ANKMY1: variants seen among roughly 807,000 people sequenced by gnomAD.
The protein encoded by ANKMY1 is ankyrin repeat and MYND domain-containing protein 1.
ANKMY1 carries 98 observed loss-of-function variants against 102.0 expected under a neutral mutation model. That is an observed-to-expected ratio of 0.96 (90% CI 0.82 to 1.14). ANKMY1 has a LOEUF of 1.14. Among genes scored for constraint, ANKMY1 ranks in the 50% most tolerant of loss-of-function variants. ANKMY1 has a pLI of 0.00. For missense variants in ANKMY1, 1,330 were observed against 1,347.6 expected, an observed-to-expected ratio of 0.99 and a Z score of 0.20; for synonymous variants, 582 against 559.9, an observed-to-expected ratio of 1.04 and a Z score of -0.56.
At chr2:240,538,590 A>T (rs2087618404) in intron 4 of ANKMY1, among the ~76,000 whole-genome samples, 1 of 151,986 alleles carries the variant, frequency 6.6e-6, no homozygotes. Context: ...AGCCTCCCCG[A>T]CAGGCGCCGC....
the ANKMY1 span, among the ~76,000 whole-genome samples, chr2:240,473,248 A>T: frequency 6.6e-6 from 1 of 151,886 alleles, no homozygotes; most frequent in African/African-American, 2.4e-5. Flanking sequence ...AAAAAACTCA[A>T]TAACATGCGA....
At chr2:240,550,097 C>G (rs2091223333) in intron 4 of ANKMY1, among the ~76,000 whole-genome samples, 1 of 151,666 alleles carries the variant, frequency 6.6e-6, no homozygotes, top group African/African-American at 2.4e-5. Context: ...TTCACAATAG[C>G]AAAGACTTGG....
chr2:240,497,585 A>G (rs1297692015), intron 15 of ANKMY1, among the ~76,000 whole-genome samples: 1 of 152,198 alleles, frequency 6.6e-6, no homozygotes, highest in Non-Finnish European at 1.5e-5. Flanking sequence ...GAGACTTGTT[A>G]TGACCACAGG....
chr2:240,479,283 C>A, downstream of ANKMY1: 3 of 383,048 alleles, frequency 7.8e-6, no homozygotes, highest in South Asian at 4.4e-5. Context: ...GAGTCCTGAC[C>A]CTCACCTGCC....
chr2:240,557,637 C>A (rs927843369), intron 1 of ANKMY1, among the ~76,000 whole-genome samples: 1 of 152,208 alleles, frequency 6.6e-6, no homozygotes, highest in African/African-American at 2.4e-5. Context: ...GTGGCCAGGC[C>A]AGGCCCGCAC....
intron 3 of ANKMY1, 117 bp downstream of exon 3, chr2:240,554,749 C>T: frequency 8.1e-7 from 1 of 1,230,764 alleles, no homozygotes; most frequent in Non-Finnish European, 1.1e-6. Flanking sequence ...AAAACTTTAG[C>T]CTAGCACCCT....
chr2:240,544,301 A>C (rs919418526), intron 4 of ANKMY1, among the ~76,000 whole-genome samples: 6 of 152,248 alleles, frequency 3.9e-5, no homozygotes, highest in Non-Finnish European at 8.8e-5. Flanking sequence ...AGAAAGTCCA[A>C]GCATGTCACA....
At chr2:240,477,023 A>G (rs2074900491), downstream of ANKMY1, among the ~76,000 whole-genome samples, 1 of 152,240 alleles carries the variant, frequency 6.6e-6, no homozygotes, top group African/African-American at 2.4e-5. Flanking sequence ...CTCCAATGAA[A>G]AGGGACCAGT....
At chr2:240,561,024 T>C (rs1431124458), upstream of ANKMY1, 6 of 1,536,038 alleles carry the variant, frequency 3.9e-6, no homozygotes, top group East Asian at 1.2e-4. Context: ...GGCCGCCGTC[T>C]GCACCGCGTA....
chr2:240,557,088 T>C, intron 2 of ANKMY1, 102 bp downstream of exon 2: 1 of 1,260,846 alleles, frequency 7.9e-7, no homozygotes, highest in South Asian at 2.2e-5. Flanking sequence ...TCTCAGGGAG[T>C]AACACAGTTC....
the ANKMY1 span, among the ~76,000 whole-genome samples, chr2:240,471,542 G>T: frequency 1.3e-5 from 2 of 152,142 alleles, no homozygotes; most frequent in South Asian, 4.1e-4. Context: ...AAAAGGGGGA[G>T]AAATAGAAAC....
chr2:240,532,258 G>T, intron 4 of ANKMY1: 1 of 335,596 alleles, frequency 3.0e-6, no homozygotes, highest in Non-Finnish European at 6.2e-6. Flanking sequence ...GGAAACAATG[G>T]AGTAGAATCT....
Position 240,529,646 on chromosome 2 carries a change from T to G in ANKMY1, c.481-137A>C, listed in dbSNP as rs766133825. ...CATGCATTCAGCCAGTAAACATCTC[T>G]GGAGGCTTAGGCTGTGCCGCCCAGG... On this transcript the variant is annotated intron_variant, in intron 4 of 17. Transcript: ENST00000401804. The surrounding 1 kb of genome is among the most constrained non-coding windows in gnomAD (Gnocchi z 4.2). 2.3e-6 allele frequency: 2 copies of G among 880,830 alleles called. No homozygotes were observed. Among genetic ancestry groups the G allele is most frequent in the Admixed American group, 2.9e-5 (1 of 34,632 alleles). The allele number at this position is 880,830 out of a possible 1,614,324, so 54.6% of individuals were successfully genotyped here.
rs34267428 is a variant in ANKMY1 at position 240,523,900 on chromosome 2, G to A, written c.1817C>T (p.Ala606Val). The change falls in exon 8 of 18, where the codon GCG becomes GTG. Residue 606 changes from alanine (A) to valine (V), a missense_variant. By Grantham distance (64) the Ala-to-Val change is moderately conservative (BLOSUM62 0). Coordinates refer to ENST00000401804, the MANE Select transcript of ANKMY1 (RefSeq NM_001282771.3). ...CAGGACCTACTCGATCATGGACAGCGCCATCCTCCGCATGGTCCCTTTGTC... is the reference window on the plus strand; with the variant it reads ...CAGGACCTACTCGATCATGGACAGCACCATCCTCCGCATGGTCCCTTTGTC... The part of the protein sequence containing the change: ...SFDKGTMRRM[A>V]LSMIERRKRW... 1.8e-3 allele frequency: 2,835 copies of A among 1,613,192 alleles called. 18 individuals are homozygous for A. The highest frequency in any genetic ancestry group is 0.017 in the African/African-American group (1,251 of 75,064).
At chr2:240,559,734 C>CAA (rs1249551383), upstream of ANKMY1, among the ~76,000 whole-genome samples, 1 of 152,192 alleles carries the variant, frequency 6.6e-6, no homozygotes, top group Non-Finnish European at 1.5e-5. Context: ...TGGCTGCAGA[C>CAA]ATATTTGAGT....
chr2:240,532,158 A>G, intron 4 of ANKMY1: 1 of 460,930 alleles, frequency 2.2e-6, no homozygotes, highest in Non-Finnish European at 4.5e-6. Flanking sequence ...AAAGAAAGAC[A>G]AAACCTCAAA....
chr2:240,526,369 GC>G lies in ANKMY1; in HGVS notation c.1029del (p.Glu346SerfsTer7), dbSNP rs752933481. On this transcript the variant is annotated frameshift_variant, in exon 6 of 18. Coordinates refer to ENST00000401804, the MANE Select transcript of ANKMY1 (RefSeq NM_001282771.3). LOFTEE classifies it high-confidence loss of function. Reference protein sequence around the residue: ...EGKRSGFAPCGPKEQLSMEMI... With the variant: ...EGKRSGFAPCXPKEQLSMEMI... The stretch of plus-strand genomic sequence containing the variant: ...ATCTCCATGGAAAGTTGCTCTTTGG[GC>G]CCACAGGGTGCAAAGCCACTGCGCT... 3 of 1,614,202 alleles carry G rather than the reference GC, an allele frequency of 1.9e-6. No homozygotes were observed. Among genetic ancestry groups the G allele is most frequent in the South Asian group, 1.1e-5 (1 of 91,078 alleles).
intron 15 of ANKMY1, among the ~76,000 whole-genome samples, chr2:240,485,327 C>CAA (rs774451503): frequency 0.17 from 20,329 of 117,216 alleles, 1,602 homozygotes; most frequent in African/African-American, 0.19. Context: ...GACTCCGTCT[C>CAA]AAAGAAAAAA....
At chr2:240,494,687 T>A (rs2077026776) in intron 15 of ANKMY1, among the ~76,000 whole-genome samples, 1 of 152,132 alleles carries the variant, frequency 6.6e-6, no homozygotes, top group Non-Finnish European at 1.5e-5. Context: ...CAACCTTCCT[T>A]CCTGGAGCTC....
Sources: gnomAD v4.1 joint callset for allele counts (sites outside exome capture counted in the v4.1 genomes callset) on GRCh38, gnomAD v4.1.1 for gene constraint, Gnocchi (gnomAD v3.1) non-coding constraint, MANE v1.5 for transcripts, NCBI Gene and HGNC (gene_info 2026-07-23, HGNC 2026-07-21) for gene names.